CNIH3: variants seen among roughly 807,000 people sequenced by gnomAD.
The protein encoded by CNIH3 is protein cornichon homolog 3.
CNIH3 carries 14 observed loss-of-function variants against 24.1 expected under a neutral mutation model. That is an observed-to-expected ratio of 0.58 (90% CI 0.38 to 0.91). The LOEUF is 0.91. CNIH3 is among the 40% of genes least tolerant of loss of function. The pLI is 0.00. For synonymous variants in CNIH3, 68 were observed against 73.8 expected, an observed-to-expected ratio of 0.92 and a Z score of 0.40; for missense variants, 178 against 196.8, an observed-to-expected ratio of 0.90 and a Z score of 0.57.
intron 3 of CNIH3, among the ~76,000 whole-genome samples, chr1:224,697,436 C>T (rs1430631381): frequency 6.6e-6 from 1 of 152,112 alleles, no homozygotes; most frequent in Non-Finnish European, 1.5e-5. Flanking sequence ...TTTTCACTCT[C>T]TCCGTTCTCC....
At chr1:224,719,235 A>G (rs1297774013) in intron 3 of CNIH3, 1 of 152,254 alleles carries the variant, frequency 6.6e-6, no homozygotes, top group Non-Finnish European at 1.5e-5. Flanking sequence ...ACAGACACCT[A>G]CACCTGCACA....
At chr1:224,504,819 A>C (rs1313819523) in intron 1 of CNIH3, among the ~76,000 whole-genome samples, 3 of 152,166 alleles carry the variant, frequency 2.0e-5, no homozygotes. Flanking sequence ...TGCAATAGCT[A>C]TCTCATCAGG....
At position 224,684,919 on chromosome 1, in the gene CNIH3, A is replaced by AG. The variant is rs1437750530; in HGVS notation, c.198+78dup. ...GGGCACACAGTGAAAGAGGCTAGTG[A>AG]GGCTCTGCCTGCTCCAGTCCTGTCC... On this transcript the variant is annotated intron_variant, in intron 3 of 5. Transcript: ENST00000272133. This position sits in a 1 kb window ranked among gnomAD's most constrained non-coding sequence, Gnocchi z 4.2. 1.7e-5 allele frequency: 24 copies of AG among 1,379,226 alleles called. No individual in the cohort carries two copies. Among genetic ancestry groups the AG allele is most frequent in the Non-Finnish European group, 2.4e-5 (23 of 966,096 alleles). The allele number at this position is 1,379,226 out of a possible 1,614,324, so 85.4% of individuals were successfully genotyped here. A position where few individuals can be genotyped will look rare whatever the true frequency, so the allele number is the denominator to read the frequency against.
At position 224,727,351 on chromosome 1, in the gene CNIH3, C is replaced by G. The variant is rs546457606; in HGVS notation, c.199-3111C>G. On this transcript the variant is annotated intron_variant, in intron 3 of 5. Coordinates refer to ENST00000272133, the MANE Select transcript of CNIH3 (RefSeq NM_152495.2). ...CACAAGTTTCTTTACTGCTCACACTCTAGTCCATCATGAGTTGCCTGGGGG... is the reference window on the plus strand; with the variant it reads ...CACAAGTTTCTTTACTGCTCACACTGTAGTCCATCATGAGTTGCCTGGGGG... Among the ~76,000 whole-genome samples, 8 of 152,346 alleles carry G rather than the reference C, an allele frequency of 5.3e-5. No homozygotes were observed. In the East Asian group the frequency reaches 7.7e-4, roughly 15 times the overall value.
intron 1 of CNIH3, among the ~76,000 whole-genome samples, chr1:224,659,728 G>A (rs867258639): frequency 8.5e-5 from 13 of 152,240 alleles, no homozygotes; most frequent in South Asian, 2.1e-4. Context: ...AGAAAACATC[G>A]CTTTTCTAGA....
At chr1:224,739,293 C>G (rs772423700) in intron 5 of CNIH3, 36 bp from the exon 6 acceptor site, 2 of 1,561,668 alleles carry the variant, frequency 1.3e-6, no homozygotes, top group Admixed American at 3.9e-5. Flanking sequence ...ACACCTTCCT[C>G]TCTTTTTTTT....
chr1:224,738,896 C>T (rs1689727354), intron 5 of CNIH3, among the ~76,000 whole-genome samples: 1 of 152,118 alleles, frequency 6.6e-6, no homozygotes, highest in Non-Finnish European at 1.5e-5. Flanking sequence ...ATCTTTCCCC[C>T]AGCACTACCG....
chr1:224,562,018 A>T (rs527895836), intron 3 of CNIH3, among the ~76,000 whole-genome samples: 3,082 of 152,316 alleles, frequency 0.02, 107 homozygotes, highest in African/African-American at 0.07. Context: ...AGACACCTCC[A>T]ACATTGAGAC....
intron 4 of CNIH3, among the ~76,000 whole-genome samples, chr1:224,731,829 G>A (rs1342903411): frequency 4.6e-5 from 7 of 152,236 alleles, no homozygotes; most frequent in Admixed American, 3.3e-4. Flanking sequence ...CAAAGGCCCA[G>A]AGTTAAGAGA....
At chr1:224,498,699 A>G (rs1308368049) in intron 1 of CNIH3, among the ~76,000 whole-genome samples, 1 of 152,160 alleles carries the variant, frequency 6.6e-6, no homozygotes. Flanking sequence ...CCTGTGGGAA[A>G]GAATGGAGAA....
chr1:224,452,781 CAAAAAAAAAAA>C (rs1173499027), intron 1 of CNIH3, among the ~76,000 whole-genome samples: 3 of 44,304 alleles, frequency 6.8e-5, no homozygotes, highest in African/African-American at 1.9e-4. Context: ...AACTCTGTCT[CAAAAAAAAAAA>C]AAAAAAAAAA....
At chr1:224,644,125 C>T (rs931313368) in intron 1 of CNIH3, among the ~76,000 whole-genome samples, 2 of 152,240 alleles carry the variant, frequency 1.3e-5, no homozygotes, top group Non-Finnish European at 2.9e-5. Context: ...TCAGCAGGGC[C>T]TGCACATTCA....
intron 1 of CNIH3, among the ~76,000 whole-genome samples, chr1:224,519,363 T>C (rs1028350758): frequency 6.6e-6 from 1 of 152,072 alleles, no homozygotes; most frequent in Non-Finnish European, 1.5e-5. Flanking sequence ...ACTTACACTA[T>C]TGGCTCCCCT....
At chr1:224,677,232 A>G (rs1686182231) in intron 1 of CNIH3, among the ~76,000 whole-genome samples, 1 of 152,210 alleles carries the variant, frequency 6.6e-6, no homozygotes, top group African/African-American at 2.4e-5. Flanking sequence ...GGCAGCTGAC[A>G]TGGTGAGCAG....
intron 1 of CNIH3, among the ~76,000 whole-genome samples, chr1:224,463,796 T>A (rs1558083233): frequency 7.9e-6 from 1 of 126,948 alleles, no homozygotes; most frequent in African/African-American, 3.2e-5. Context: ...TTTTTTTTTT[T>A]TTTTTTTTTT....
At chr1:224,461,752 A>G (rs1675920449) in intron 1 of CNIH3, among the ~76,000 whole-genome samples, 1 of 152,224 alleles carries the variant, frequency 6.6e-6, no homozygotes, top group African/African-American at 2.4e-5. Context: ...TAAGTTTAGA[A>G]TATTTCACCC....
At chr1:224,700,096 T>A (rs547620291) in intron 3 of CNIH3, among the ~76,000 whole-genome samples, 2 of 152,208 alleles carry the variant, frequency 1.3e-5, no homozygotes, top group East Asian at 3.9e-4. Context: ...GCTGGACCAT[T>A]TCTGTATATA....
intron 3 of CNIH3, among the ~76,000 whole-genome samples, chr1:224,555,849 C>A (rs1680114960): frequency 6.6e-6 from 1 of 152,154 alleles, no homozygotes; most frequent in African/African-American, 2.4e-5. Context: ...GCTGTGGGAC[C>A]TAATGAATGA....
Position 224,581,571 on chromosome 1 carries a change from G to A in CNIH3, n.517-1593G>A, listed in dbSNP as rs377367853. On this transcript the variant is annotated intron_variant and non_coding_transcript_variant, in intron 4 of 5. Coordinates refer to the CNIH3 transcript ENST00000471578. Reference sequence around the variant, plus strand: ...GAATACAATAAGAAGAGCCCAAAGCGTGTTGGATACCTCCTCACTGGCTCC... The same window carrying A: ...GAATACAATAAGAAGAGCCCAAAGCATGTTGGATACCTCCTCACTGGCTCC... Among the ~76,000 whole-genome samples the A allele has an allele frequency of 7.2e-5, 11 of 152,238 alleles. No homozygotes were observed. The South Asian group carries it at 1.4e-3, about 20-fold the overall frequency.
Sources: allele counts gnomAD v4.1 joint callset (sites outside exome capture counted in the v4.1 genomes callset), GRCh38; gene constraint gnomAD v4.1.1; non-coding constraint Gnocchi (gnomAD v3.1); transcripts MANE v1.5; gene names NCBI Gene and HGNC (gene_info 2026-07-23, HGNC 2026-07-21).